Variants in ZNF333 observed in about 807,000 individuals in gnomAD.
ZNF333 encodes the protein zinc finger protein 333.
In ZNF333, 61 loss-of-function variants were observed where a neutral mutation model predicts 76.1. The observed-to-expected ratio is 0.80, with a 90% CI of 0.65 to 0.99. The LOEUF (loss-of-function observed/expected upper bound fraction) is 0.99. Ranked by LOEUF, ZNF333 falls within the 50% of genes least tolerant of loss-of-function variation. The probability of loss-of-function intolerance (pLI) is 0.00; values close to 1 mark genes in which losing one functional copy is unlikely to be tolerated. For synonymous variants in ZNF333, 284 were observed against 305.0 expected (o/e 0.93, Z 0.72); for missense variants, 717 against 822.4 (o/e 0.87, Z 1.57).
At position 14,710,734 on chromosome 19, in the gene ZNF333, C is replaced by G. The variant is rs895277932; in HGVS notation, c.511+3961C>G. Among the ~76,000 whole-genome samples, 3 of 152,200 alleles carry G rather than the reference C, an allele frequency of 2.0e-5. No homozygotes were observed. In the East Asian group the frequency reaches 5.8e-4, roughly 29 times the overall value. On this transcript the variant is annotated intron_variant, in intron 7 of 11. Transcript: ENST00000292530. Reference sequence around the variant, plus strand: ...CGGAGGTTGCAGTGAACCAAGATTGCGCCACTGCACTCCAGCCTGGGCGAC... The same window carrying G: ...CGGAGGTTGCAGTGAACCAAGATTGGGCCACTGCACTCCAGCCTGGGCGAC...
chr19:14,711,973 T>C (rs997850403), intron 7 of ZNF333, among the ~76,000 whole-genome samples: 3 of 151,782 alleles, frequency 2.0e-5, no homozygotes, highest in Non-Finnish European at 4.4e-5. Context: ...TGGGGCACTC[T>C]GAGGGCGACG....
downstream of ZNF333, among the ~76,000 whole-genome samples, chr19:14,725,799 C>T (rs1277855965): frequency 6.6e-6 from 1 of 152,208 alleles, no homozygotes; most frequent in Non-Finnish European, 1.5e-5. Flanking sequence ...CAGGGTGCAA[C>T]CCCCATGGCT....
chr19:14,719,389 T>C lies in ZNF333; in HGVS notation c.*64T>C. On this transcript the variant is annotated 3_prime_UTR_variant, in exon 12 of 12. Transcript: ENST00000292530. Reference sequence around the variant, plus strand: ...CTTTCCCTCGTAATACTCCTTTAGCTGCATCCTGTGTTTCAATGTATAATA... The same window carrying C: ...CTTTCCCTCGTAATACTCCTTTAGCCGCATCCTGTGTTTCAATGTATAATA... 6.8e-7 allele frequency: 1 copy of C among 1,467,904 alleles called. No individual in the cohort carries two copies. Among genetic ancestry groups the C allele is most frequent in the Non-Finnish European group, 9.1e-7 (1 of 1,097,212 alleles). 90.9% of individuals were successfully genotyped at this position (1,467,904 alleles called of 1,614,324 possible).
chr19:14,725,280 G>A (rs1423972491), downstream of ZNF333, among the ~76,000 whole-genome samples: 2 of 152,120 alleles, frequency 1.3e-5, no homozygotes, highest in Non-Finnish European at 2.9e-5. Flanking sequence ...CCCATGATCC[G>A]AATACGTCCC....
chr19:14,731,245 C>G, exon 12 of ZNF333: 1 of 1,471,382 alleles, frequency 6.8e-7, no homozygotes, highest in Non-Finnish European at 9.2e-7. Flanking sequence ...AGAATCCAAC[C>G]TCTGGATATC....
chr19:14,708,228 G>A (rs554498645), intron 7 of ZNF333: 76 of 389,528 alleles, frequency 2.0e-4, no homozygotes, highest in African/African-American at 1.3e-3. Context: ...AGCTGGTCTC[G>A]AACTCTTGAC....
intron 11 of ZNF333, among the ~76,000 whole-genome samples, chr19:14,729,269 C>A (rs2042653337): frequency 6.6e-6 from 1 of 152,136 alleles, no homozygotes; most frequent in Non-Finnish European, 1.5e-5. Flanking sequence ...GTAGGAACTG[C>A]CCTATGCACT....
At chr19:14,703,854 G>T (rs1415228535) in intron 5 of ZNF333, among the ~76,000 whole-genome samples, 1 of 152,180 alleles carries the variant, frequency 6.6e-6, no homozygotes, top group Non-Finnish European at 1.5e-5. Context: ...GATGAAGTTG[G>T]CAGGCAGTTT....
At chr19:14,697,856 T>G (rs986364026) in intron 4 of ZNF333, among the ~76,000 whole-genome samples, 4 of 152,250 alleles carry the variant, frequency 2.6e-5, no homozygotes. Context: ...TCGCCCATAC[T>G]TGTCATCCAA....
intron 4 of ZNF333, among the ~76,000 whole-genome samples, chr19:14,698,170 C>G (rs370371514): frequency 1.3e-5 from 2 of 151,402 alleles, no homozygotes; most frequent in Admixed American, 1.3e-4. Context: ...GTCAGGAGTT[C>G]GAGACCAGCC....
chr19:14,733,311 C>CT lies in ZNF333; in HGVS notation c.*2131dup, dbSNP rs1359673656. The CT allele has an allele frequency of 4.1e-4, 63 of 152,208 alleles. 1 individual carries two copies. Among genetic ancestry groups the CT allele is most frequent in the Admixed American group, 3.4e-3 (52 of 15,280 alleles). 9.4% of individuals were successfully genotyped at this position (152,208 alleles called of 1,614,324 possible). A position where few individuals can be genotyped will look rare whatever the true frequency, so the allele number is the denominator to read the frequency against. The stretch of plus-strand genomic sequence containing the variant: ...TAGCCTTCTGGATTTAAGGAAATTA[C>CT]TTTTTTAAAAACTATAAGCAGCCAA... On this transcript the variant is annotated 3_prime_UTR_variant, in exon 12 of 12. Transcript: ENST00000540689.
intron 1 of ZNF333, among the ~76,000 whole-genome samples, chr19:14,691,104 C>CAA (rs761447161): frequency 1.1e-4 from 16 of 152,062 alleles, no homozygotes; most frequent in Non-Finnish European, 2.2e-4. Flanking sequence ...AAAACAAAAA[C>CAA]AACAACAAAA....
intron 1 of ZNF333, among the ~76,000 whole-genome samples, chr19:14,692,696 A>G (rs990638610): frequency 6.6e-6 from 1 of 151,852 alleles, no homozygotes; most frequent in East Asian, 1.9e-4. Flanking sequence ...TATTTTAAGT[A>G]GAGATGGGGT....
exon 12 of ZNF333, chr19:14,732,249 G>A (rs567347463): frequency 1.3e-5 from 2 of 152,112 alleles, no homozygotes; most frequent in South Asian, 4.1e-4. Flanking sequence ...AACAGCATGT[G>A]CTCACTTTGT....
At chr19:14,730,913 G>T (rs1453770939) in intron 11 of ZNF333, among the ~76,000 whole-genome samples, 1 of 151,770 alleles carries the variant, frequency 6.6e-6, no homozygotes, top group African/African-American at 2.4e-5. Context: ...TGCGGTATTT[G>T]GTTTTCTAAG....
intron 5 of ZNF333, among the ~76,000 whole-genome samples, chr19:14,699,582 T>TC (rs1414449009): frequency 6.6e-6 from 1 of 151,968 alleles, no homozygotes; most frequent in African/African-American, 2.4e-5. Flanking sequence ...TGCTTCAGCC[T>TC]CCCGAGTAGT....
At chr19:14,732,480 G>C (rs757298) in exon 12 of ZNF333, 34,025 of 152,040 alleles carry the variant, frequency 0.22, 4,035 homozygotes, top group Non-Finnish European at 0.26. Flanking sequence ...GTGTCTGTAT[G>C]TGCTCATCAC....
chr19:14,716,372 C>A, intron 9 of ZNF333, 134 bp downstream of exon 9: 1 of 1,016,154 alleles, frequency 9.8e-7, no homozygotes, highest in Non-Finnish European at 1.4e-6. Flanking sequence ...GATCCTCCCA[C>A]CCCAGCCTCC....
At chr19:14,704,973 C>T (rs539758222) in intron 5 of ZNF333, 81 bp from the exon 6 acceptor site, 1 of 1,402,858 alleles carries the variant, frequency 7.1e-7, no homozygotes, top group East Asian at 2.3e-5. Context: ...CAGCCCTAAG[C>T]CCCAAACCAA....
Sources: gnomAD v4.1 joint callset for allele counts (sites outside exome capture counted in the v4.1 genomes callset) on GRCh38, gnomAD v4.1.1 for gene constraint, MANE v1.5 for transcripts, NCBI Gene and HGNC (gene_info 2026-07-23, HGNC 2026-07-21) for gene names.